The following FRK variants were observed in gnomAD, a reference collection of about 807,000 sequenced individuals.
FRK encodes tyrosine-protein kinase FRK.
In FRK, 51 loss-of-function variants were observed where a neutral mutation model predicts 56.4. That is an observed-to-expected ratio of 0.90 (90% confidence interval 0.72 to 1.14). FRK has a LOEUF of 1.14. Ranked by LOEUF, FRK falls within the 50% of genes most tolerant of loss-of-function variation. The probability of loss-of-function intolerance (pLI) is 0.00; values close to 1 mark genes in which losing one functional copy is unlikely to be tolerated. For synonymous variants in FRK, 245 were observed against 217.9 expected (o/e 1.12, Z -1.10); for missense variants, 570 against 601.4 (o/e 0.95, Z 0.55).
chr6:115,945,048 AT>A (rs996481529), intron 5 of FRK, among the ~76,000 whole-genome samples: 15 of 152,004 alleles, frequency 9.9e-5, no homozygotes, highest in African/African-American at 3.6e-4. Context: ...ACATGATTTC[AT>A]TTTTTATGGC....
chr6:116,051,191 T>C (rs146885931), intron 1 of FRK, among the ~76,000 whole-genome samples: 3 of 152,276 alleles, frequency 2.0e-5, no homozygotes, highest in African/African-American at 7.2e-5. Context: ...AGATACCTAG[T>C]ATAAAGTTCA....
At position 116,002,808 on chromosome 6, in the gene FRK, C is replaced by A. The variant is rs138643152; in HGVS notation, c.466+1069G>T. The A allele has an allele frequency of 3.8e-4, 165 of 429,238 alleles. 2 individuals carry two copies. The East Asian group carries it at 9.6e-3, about 25-fold the overall frequency. The allele number at this position is 429,238 out of a possible 1,614,324, so 26.6% of individuals were successfully genotyped here. ...CCCTCGGCAACACCTGCCTCAAAAC[C>A]ACTGCCCTTGCTTCTCTCCAGCTCC... On this transcript the variant is annotated intron_variant, in intron 2 of 7. Transcript: ENST00000606080.
At chr6:115,958,712 A>AAAGAAGGAAGG (rs1773162953) in intron 4 of FRK, among the ~76,000 whole-genome samples, 8 of 16,520 alleles carry the variant, frequency 4.8e-4, no homozygotes, top group African/African-American at 2.0e-3. Context: ...AAGAAGAAAG[A>AAAGAAGGAAGG]AAGAAAGAAA....
Position 115,935,296 on chromosome 6 carries a change from G to GGAAC in FRK, c.*7114_*7117dup, listed in dbSNP as rs1479332003. On this transcript the variant is annotated 3_prime_UTR_variant, in exon 8 of 8. Coordinates refer to ENST00000606080, the MANE Select transcript of FRK (RefSeq NM_002031.3). ...GGAAGCCATGAGGGACTGTACCTGA[G>GGAAC]GAACGGTGCACTCCAGCCCAGATAC... is the stretch of plus-strand genomic sequence containing the variant. 6.6e-6 allele frequency: 1 copy of GGAAC among 152,354 alleles called. No homozygotes were observed. The highest frequency in any genetic ancestry group is 1.5e-5 in the Non-Finnish European group (1 of 68,158). The allele number at this position is 152,354 out of a possible 1,614,324, so 9.4% of individuals were successfully genotyped here.
intron 2 of FRK, among the ~76,000 whole-genome samples, chr6:115,986,013 A>G (rs1362943759): frequency 1.3e-5 from 2 of 150,722 alleles, no homozygotes; most frequent in African/African-American, 4.9e-5. Flanking sequence ...CAGTTATTTG[A>G]GGCTATTTTT....
At chr6:116,100,017 T>C in the FRK span, among the ~76,000 whole-genome samples, 1 of 152,250 alleles carries the variant, frequency 6.6e-6, no homozygotes, top group Non-Finnish European at 1.5e-5. Flanking sequence ...GCATCTAAAA[T>C]GGTAGTAGTT....
At chr6:116,015,585 A>T (rs754118020) in intron 1 of FRK, among the ~76,000 whole-genome samples, 9 of 152,198 alleles carry the variant, frequency 5.9e-5, no homozygotes, top group Non-Finnish European at 1.0e-4. Flanking sequence ...AGAAGACAGG[A>T]ATATGTAGGA....
chr6:116,066,492 CCTGA>C, the FRK span, among the ~76,000 whole-genome samples: 1 of 151,760 alleles, frequency 6.6e-6, no homozygotes, highest in East Asian at 1.9e-4. Context: ...TCTAGAGAAC[CCTGA>C]CTAATACAGC....
intron 4 of FRK, among the ~76,000 whole-genome samples, chr6:115,962,411 C>A (rs1453203913): frequency 6.9e-6 from 1 of 144,166 alleles, no homozygotes; most frequent in East Asian, 2.1e-4. Flanking sequence ...CCTGAGTGAC[C>A]TACAAAGAGA....
At chr6:116,058,121 T>C (rs936149147) in intron 1 of FRK, among the ~76,000 whole-genome samples, 2 of 152,130 alleles carry the variant, frequency 1.3e-5, no homozygotes, top group African/African-American at 4.8e-5. Flanking sequence ...ATTCAAGGCA[T>C]GAAACATTAA....
At chr6:115,946,572 C>A (rs1310053809) in intron 5 of FRK, among the ~76,000 whole-genome samples, 1 of 152,032 alleles carries the variant, frequency 6.6e-6, no homozygotes, top group African/African-American at 2.4e-5. Context: ...GGAAGACAAG[C>A]TATGGGTCTG....
chr6:116,074,861 G>A, the FRK span, among the ~76,000 whole-genome samples: 1 of 152,130 alleles, frequency 6.6e-6, no homozygotes, highest in African/African-American at 2.4e-5. Flanking sequence ...TCTATGTCAT[G>A]CCTGTCCCTC....
At chr6:116,072,574 T>G in the FRK span, among the ~76,000 whole-genome samples, 1 of 139,380 alleles carries the variant, frequency 7.2e-6, no homozygotes, top group African/African-American at 2.8e-5. Context: ...CAAGATACCT[T>G]TCAGAGGAAA....
intron 2 of FRK, among the ~76,000 whole-genome samples, chr6:115,998,272 T>C (rs1774919069): frequency 6.6e-6 from 1 of 152,146 alleles, no homozygotes; most frequent in East Asian, 1.9e-4. Flanking sequence ...AAATCTCTCA[T>C]CCATTCTCAA....
chr6:116,060,292 C>T lies in FRK; in HGVS notation c.20G>A (p.Arg7Lys). Residue 7 changes from arginine to lysine, a missense_variant, in exon 1 of 8, where the codon AGG becomes AAG. Coordinates refer to ENST00000606080, the MANE Select transcript of FRK (RefSeq NM_002031.3). Reference sequence around the variant, plus strand: ...ATAGGGTTCTAGGTACTCCCAGAGCCTCTGACAGATGTTGCTCATTGTGCC... The same window carrying T: ...ATAGGGTTCTAGGTACTCCCAGAGCTTCTGACAGATGTTGCTCATTGTGCC... MSNICQ[R>K]LWEYLEPYLP... The T allele has an allele frequency of 6.2e-7, 1 of 1,613,748 alleles. No individual in the cohort carries two copies.
upstream of FRK, among the ~76,000 whole-genome samples, chr6:116,061,764 TCA>T (rs1777631760): frequency 6.6e-6 from 1 of 152,130 alleles, no homozygotes; most frequent in Non-Finnish European, 1.5e-5. Context: ...TTATGAAGTG[TCA>T]CTGATCTCTC....
chr6:116,055,859 A>G (rs1217673619), intron 1 of FRK, among the ~76,000 whole-genome samples: 3 of 152,320 alleles, frequency 2.0e-5, no homozygotes, highest in East Asian at 3.9e-4. Flanking sequence ...TAGTGATCTA[A>G]TTTTCTTAAT....
chr6:116,068,024 A>T, the FRK span, among the ~76,000 whole-genome samples: 1 of 152,164 alleles, frequency 6.6e-6, no homozygotes, highest in Non-Finnish European at 1.5e-5. Context: ...ACAGCTTGGT[A>T]CCTTGGGATT....
chr6:116,003,711 T>C (rs1053574542), intron 2 of FRK, among the ~76,000 whole-genome samples, 166 bp downstream of exon 2: 5 of 152,222 alleles, frequency 3.3e-5, no homozygotes, highest in Non-Finnish European at 7.3e-5. Context: ...CAGTATCTTT[T>C]TGGCTAATTT....
Sources: allele counts gnomAD v4.1 joint callset (sites outside exome capture counted in the v4.1 genomes callset), GRCh38; gene constraint gnomAD v4.1.1; transcripts MANE v1.5; gene names NCBI Gene and HGNC (gene_info 2026-07-23, HGNC 2026-07-21).